NPAS3: variants seen among roughly 807,000 people sequenced by gnomAD.
The protein encoded by NPAS3 is neuronal PAS domain protein 3, also known as neuronal PAS domain-containing protein 3.
A neutral mutation model predicts 73.1 loss-of-function variants in NPAS3; 14 were observed. That is an observed-to-expected ratio of 0.19 (90% confidence interval 0.13 to 0.30). NPAS3 has a LOEUF of 0.30. Among genes scored for constraint, NPAS3 ranks in the 10% least tolerant of loss-of-function variants. NPAS3 has a pLI of 1.00. For synonymous variants in NPAS3, 620 were observed against 541.5 expected, an observed-to-expected ratio of 1.14 and a Z score of -2.01; for missense variants, 1,096 against 1,250.0, an observed-to-expected ratio of 0.88 and a Z score of 1.86.
chr14:33,259,992 G>C (rs2048914153), intron 3 of NPAS3, among the ~76,000 whole-genome samples: 1 of 152,020 alleles, frequency 6.6e-6, no homozygotes, highest in African/African-American at 2.4e-5. Context: ...CAGACATTGG[G>C]GGCTGGATCA....
At chr14:33,751,790 A>T (rs973209046) in intron 7 of NPAS3, among the ~76,000 whole-genome samples, 1 of 152,206 alleles carries the variant, frequency 6.6e-6, no homozygotes, top group South Asian at 2.1e-4. Context: ...CAACCTTTGT[A>T]AACAGTGTTG....
intron 2 of NPAS3, among the ~76,000 whole-genome samples, chr14:33,196,290 T>G (rs935920180): frequency 4.6e-5 from 7 of 152,238 alleles, no homozygotes; most frequent in African/African-American, 1.7e-4. Context: ...AAATCACTTT[T>G]ATACATACAT....
intron 1 of NPAS3, among the ~76,000 whole-genome samples, chr14:32,997,395 T>C (rs2152404): frequency 0.14 from 20,671 of 151,994 alleles, 1,405 homozygotes; most frequent in East Asian, 0.16. Context: ...AATGTGAAGA[T>C]AGGAGATTTG....
At chr14:33,398,563 A>G (rs950275690) in intron 4 of NPAS3, among the ~76,000 whole-genome samples, 19 of 152,242 alleles carry the variant, frequency 1.2e-4, no homozygotes, top group Middle Eastern at 3.4e-3. Context: ...ATAGATAACA[A>G]GGATGTTTAT....
At chr14:32,947,242 T>C (rs1291233322) in intron 1 of NPAS3, among the ~76,000 whole-genome samples, 1 of 152,186 alleles carries the variant, frequency 6.6e-6, no homozygotes, top group East Asian at 1.9e-4. Flanking sequence ...TTTTCCTTTC[T>C]GCTACAGTAA....
At chr14:33,542,555 T>A (rs2054570853) in intron 4 of NPAS3, among the ~76,000 whole-genome samples, 1 of 152,178 alleles carries the variant, frequency 6.6e-6, no homozygotes, top group South Asian at 2.1e-4. Context: ...AGTTCCCTTT[T>A]GAGCCCTTTC....
intron 2 of NPAS3, among the ~76,000 whole-genome samples, chr14:33,081,800 C>T (rs943454094): frequency 8.5e-5 from 13 of 152,166 alleles, no homozygotes; most frequent in African/African-American, 3.1e-4. Flanking sequence ...TCTGGGTGTC[C>T]ATGAATCAAT....
chr14:32,953,358 C>G (rs1412735835), intron 1 of NPAS3, among the ~76,000 whole-genome samples: 1 of 152,106 alleles, frequency 6.6e-6, no homozygotes, highest in Non-Finnish European at 1.5e-5. Context: ...AAACACCAAG[C>G]TGTATCCTGC....
chr14:33,410,591 T>C (rs1490615225), intron 4 of NPAS3, among the ~76,000 whole-genome samples: 2 of 152,226 alleles, frequency 1.3e-5, no homozygotes, highest in East Asian at 1.9e-4. Flanking sequence ...AGGCTCCTTC[T>C]GTCAGATCAT....
chr14:33,713,169 C>T (rs570883418), intron 6 of NPAS3, among the ~76,000 whole-genome samples: 2 of 152,290 alleles, frequency 1.3e-5, no homozygotes, highest in African/African-American at 4.8e-5. Context: ...TAGTTCAATT[C>T]TGTTATCAAC....
intron 3 of NPAS3, among the ~76,000 whole-genome samples, chr14:33,273,329 G>A (rs920809214): frequency 3.9e-5 from 6 of 152,136 alleles, no homozygotes; most frequent in African/African-American, 1.2e-4. Flanking sequence ...ACCTTTCTCT[G>A]TAGGTCTCTT....
At chr14:33,544,462 G>A (rs887595903) in intron 4 of NPAS3, among the ~76,000 whole-genome samples, 2 of 151,978 alleles carry the variant, frequency 1.3e-5, no homozygotes, top group Non-Finnish European at 1.5e-5. Flanking sequence ...TAGGGATAAG[G>A]TCTTGATCCA....
intron 1 of NPAS3, among the ~76,000 whole-genome samples, chr14:32,992,670 T>G (rs1195293807): frequency 6.6e-6 from 1 of 152,194 alleles, no homozygotes; most frequent in Non-Finnish European, 1.5e-5. Context: ...CTAGCTTATA[T>G]CTTCATGTGA....
At chr14:33,790,160 A>G (rs1471151079) in intron 9 of NPAS3, among the ~76,000 whole-genome samples, 6 of 152,190 alleles carry the variant, frequency 3.9e-5, no homozygotes, top group African/African-American at 1.4e-4. Flanking sequence ...TTTACTCCTA[A>G]GCTCATTGTG....
intron 7 of NPAS3, among the ~76,000 whole-genome samples, chr14:33,758,992 A>G (rs1261226926): frequency 6.6e-6 from 1 of 152,264 alleles, no homozygotes; most frequent in Non-Finnish European, 1.5e-5. Flanking sequence ...TTAAGCAAAC[A>G]AGGGAAAATC....
At chr14:33,282,711 G>T (rs1301354854) in intron 3 of NPAS3, among the ~76,000 whole-genome samples, 4 of 152,144 alleles carry the variant, frequency 2.6e-5, no homozygotes, top group African/African-American at 9.7e-5. Flanking sequence ...CTGCTCGACT[G>T]CTAGCCTGGA....
intron 7 of NPAS3, 100 bp from the exon 8 acceptor site, chr14:33,774,237 G>T: frequency 2.3e-6 from 2 of 859,172 alleles, no homozygotes; most frequent in Non-Finnish European, 3.7e-6. Context: ...ACAAGCTAAT[G>T]TTGGTTGTTC....
intron 2 of NPAS3, among the ~76,000 whole-genome samples, chr14:33,061,044 G>A (rs1455638234): frequency 6.6e-6 from 1 of 152,218 alleles, no homozygotes; most frequent in African/African-American, 2.4e-5. Flanking sequence ...AGGAGAATGA[G>A]TGAAGAAGGA....
intron 3 of NPAS3, among the ~76,000 whole-genome samples, chr14:33,287,417 G>A (rs960053394): frequency 1.3e-5 from 2 of 151,872 alleles, no homozygotes; most frequent in Admixed American, 6.6e-5. Context: ...CTGGGAAGGT[G>A]GGGGTGTGAG....
Sources: allele counts gnomAD v4.1 joint callset (sites outside exome capture counted in the v4.1 genomes callset), GRCh38; gene constraint gnomAD v4.1.1; transcripts MANE v1.5; gene names NCBI Gene and HGNC (gene_info 2026-07-23, HGNC 2026-07-21).